The following ADGRB2 variants were observed in gnomAD, a reference collection of about 807,000 sequenced individuals.
ADGRB2 encodes the protein adhesion G protein-coupled receptor B2, also known as brain-specific angiogenesis inhibitor 2.
A neutral mutation model predicts 178.7 loss-of-function variants in ADGRB2; 47 were observed. That is an observed-to-expected ratio of 0.26 (90% CI 0.21 to 0.34). ADGRB2 has a LOEUF of 0.34. ADGRB2 is among the 10% of genes least tolerant of loss of function. The probability of loss-of-function intolerance (pLI) is 1.00; values close to 1 mark genes in which losing one functional copy is unlikely to be tolerated. For synonymous variants in ADGRB2, 870 were observed against 912.4 expected (o/e 0.95, Z 0.84); for missense variants, 1,584 against 2,180.8 (o/e 0.73, Z 5.45).
chr1:31,753,586 T>C lies in ADGRB2; in HGVS notation c.838+2413A>G, dbSNP rs992678552. 1.3e-5 allele frequency among the ~76,000 whole-genome samples: 2 copies of C among 152,148 alleles called. No homozygotes were observed. Among genetic ancestry groups the C allele is most frequent in the Admixed American group, 6.5e-5 (1 of 15,272 alleles). ...CAAGGGTCTCACCCTTCCTGCTCACTACCATCCCCACGAATCTTGCTCTCA... is the reference window on the plus strand; with the variant it reads ...CAAGGGTCTCACCCTTCCTGCTCACCACCATCCCCACGAATCTTGCTCTCA... On this transcript the variant is annotated intron_variant, in intron 4 of 32. Transcript: ENST00000373658. The surrounding 1 kb of genome is among the most constrained non-coding windows in gnomAD (Gnocchi z 4.1).
At chr1:31,736,835 G>T (rs566515715) in intron 20 of ADGRB2, 112 bp from the exon 21 acceptor site, 11 of 1,456,274 alleles carry the variant, frequency 7.6e-6, no homozygotes, top group Non-Finnish European at 1.0e-5. Flanking sequence ...CCTGAGCCCC[G>T]CCCCCCACAG....
At chr1:31,757,162 G>T (rs762517910) in intron 3 of ADGRB2, 39 bp downstream of exon 3, 2 of 1,614,004 alleles carry the variant, frequency 1.2e-6, no homozygotes, top group Admixed American at 3.3e-5. Context: ...TCAACTACAA[G>T]CATATTCGCC....
rs2149060036 is a variant in ADGRB2 at position 31,756,884 on chromosome 1, AG to A, written c.22-70del. On this transcript the variant is annotated intron_variant, in intron 3 of 32. Transcript: ENST00000373658. The surrounding 1 kb of genome is among the most constrained non-coding windows in gnomAD (Gnocchi z 8.5). ...CATGGGCTCTGAACCTTCTATGGTG[AG>A]CTGCGGGAGTGGGCCTCATAAGTTA... 1 of 1,392,494 alleles carries A rather than the reference AG, an allele frequency of 7.2e-7. No homozygotes were observed. The highest frequency in any genetic ancestry group is 2.5e-5 in the East Asian group (1 of 39,826). The allele number at this position is 1,392,494 out of a possible 1,614,324, so 86.3% of individuals were successfully genotyped here.
At position 31,730,105 on chromosome 1, in the gene ADGRB2, C is replaced by T. The variant is rs556918545; in HGVS notation, c.4380+695G>A. ...AGTTGCAGAATGTTCTAGAGTTCCA[C>T]AGCAGGCCACTACTGTCTGTTCTCA... On this transcript the variant is annotated intron_variant, in intron 29 of 32. Coordinates refer to ENST00000373658, the MANE Select transcript of ADGRB2 (RefSeq NM_001364857.2). 2.0e-5 allele frequency among the ~76,000 whole-genome samples: 3 copies of T among 152,342 alleles called. No individual in the cohort carries two copies. The East Asian group carries it at 5.8e-4, about 29-fold the overall frequency.
chr1:31,758,068 C>T lies in ADGRB2; in HGVS notation c.-190-557G>A, dbSNP rs374447342. ...CACAGCCTGCGCAACCTCTACCCAACTGCCCAGAAAATGGAACCTAGCGCG... is the reference window on the plus strand; with the variant it reads ...CACAGCCTGCGCAACCTCTACCCAATTGCCCAGAAAATGGAACCTAGCGCG... On this transcript the variant is annotated intron_variant, in intron 1 of 32. Coordinates refer to ENST00000373658, the MANE Select transcript of ADGRB2 (RefSeq NM_001364857.2). This position sits in a 1 kb window ranked among gnomAD's most constrained non-coding sequence, Gnocchi z 4.2. Among the ~76,000 whole-genome samples, 15 of 152,306 alleles carry T rather than the reference C, an allele frequency of 9.8e-5. No individual in the cohort carries two copies. In the East Asian group the frequency reaches 2.7e-3, roughly 27 times the overall value.
rs1232612949 is a variant in ADGRB2 at position 31,754,127 on chromosome 1, G to C, written c.838+1872C>G. Among the ~76,000 whole-genome samples the C allele has an allele frequency of 6.6e-6, 1 of 152,196 alleles. No homozygotes were observed. The highest frequency in any genetic ancestry group is 2.4e-5 in the African/African-American group (1 of 41,434). On this transcript the variant is annotated intron_variant, in intron 4 of 32. Coordinates refer to ENST00000373658, the MANE Select transcript of ADGRB2 (RefSeq NM_001364857.2). This position sits in a 1 kb window ranked among gnomAD's most constrained non-coding sequence, Gnocchi z 5.7. ...GGCATCCAGTCTCCACCCATCTCTAGCCCCAGAGGCCTCTGCAGAGGCTCT... is the reference window on the plus strand; with the variant it reads ...GGCATCCAGTCTCCACCCATCTCTACCCCCAGAGGCCTCTGCAGAGGCTCT...
chr1:31,742,927 A>G lies in ADGRB2; in HGVS notation c.1163T>C (p.Met388Thr). The stretch of plus-strand genomic sequence containing the variant: ...GTGCTGGGGGGGCACGCAGGTCCGC[A>G]TCCGGCTCCGGGACCCCCGCCCGCA... ...RSCGRGSRSRMRTCVPPQHGG... is the reference protein window; with the variant it reads ...RSCGRGSRSRTRTCVPPQHGG... Residue 388 changes from methionine (M) to threonine (T), a missense_variant, in exon 7 of 33, where the codon ATG (methionine) becomes ACG (threonine). Met to Thr is a moderately conservative substitution (Grantham distance 81). Coordinates refer to ENST00000373658, the MANE Select transcript of ADGRB2 (RefSeq NM_001364857.2). 6.5e-7 allele frequency: 1 copy of G among 1,541,780 alleles called. No individual in the cohort carries two copies. The highest frequency in any genetic ancestry group is 8.7e-7 in the Non-Finnish European group (1 of 1,143,514).
In ADGRB2 at chr1:31,744,351, G is replaced by C. The variant is rs949320588; in HGVS notation, c.929C>G (p.Pro310Arg). The C allele has an allele frequency of 6.4e-7, 1 of 1,550,546 alleles. No homozygotes were observed. The highest frequency in any genetic ancestry group is 8.7e-7 in the Non-Finnish European group (1 of 1,146,860). ...PGLYMAQTGD[P>R]AAEEWSPWSV... ...CCACGGGGACCACTCCTCAGCCGCCGGGTCGCCTACGAGAGAGGGACAGCG... is the reference window on the plus strand; with the variant it reads ...CCACGGGGACCACTCCTCAGCCGCCCGGTCGCCTACGAGAGAGGGACAGCG... The change falls in exon 6 of 33, where the codon CCG (proline) becomes CGG (arginine). Residue 310 changes from proline to arginine, a missense_variant. This residue lies in a region of ADGRB2 where 657 missense variants were observed against 847.6 expected (regional missense o/e 0.78). Transcript: ENST00000373658. This position sits in a 1 kb window ranked among gnomAD's most constrained non-coding sequence, Gnocchi z 6.7.
At chr1:31,739,005 G>T (rs1045659189) in intron 15 of ADGRB2, 68 bp from the exon 16 acceptor site, 4 of 1,384,730 alleles carry the variant, frequency 2.9e-6, no homozygotes, top group Non-Finnish European at 3.0e-6. Flanking sequence ...CCCTGAAGCC[G>T]CTTTGGATGG....
chr1:31,759,944 G>T lies in ADGRB2; in HGVS notation c.-190-2433C>A, dbSNP rs890736272. Reference sequence around the variant, plus strand: ...TGCAGACCATGAGCCTTGCCCTGGGGATGGCAGACACCTCATCAGCCTCCC... The same window carrying T: ...TGCAGACCATGAGCCTTGCCCTGGGTATGGCAGACACCTCATCAGCCTCCC... On this transcript the variant is annotated intron_variant, in intron 1 of 32. Coordinates refer to ENST00000373658, the MANE Select transcript of ADGRB2 (RefSeq NM_001364857.2). This position sits in a 1 kb window ranked among gnomAD's most constrained non-coding sequence, Gnocchi z 4.3. Among the ~76,000 whole-genome samples the T allele has an allele frequency of 5.9e-5, 9 of 152,286 alleles. No homozygotes were observed. Among genetic ancestry groups the T allele is most frequent in the African/African-American group, 2.2e-4 (9 of 41,564 alleles).
chr1:31,735,084 C>A lies in ADGRB2; in HGVS notation c.3452+99G>T, dbSNP rs1645504508. ...AGGAAAGGGCAAGCTTTCCAGGGCACTGGGCTGATATCCCTCCTCCTCCCC... is the reference window on the plus strand; with the variant it reads ...AGGAAAGGGCAAGCTTTCCAGGGCAATGGGCTGATATCCCTCCTCCTCCCC... On this transcript the variant is annotated intron_variant, in intron 25 of 32. Coordinates refer to ENST00000373658, the MANE Select transcript of ADGRB2 (RefSeq NM_001364857.2). The surrounding 1 kb of genome is among the most constrained non-coding windows in gnomAD (Gnocchi z 6.0). 1 of 1,180,846 alleles carries A rather than the reference C, an allele frequency of 8.5e-7. No homozygotes were observed. Among genetic ancestry groups the A allele is most frequent in the South Asian group, 1.9e-5 (1 of 51,656 alleles). 73.1% of individuals were successfully genotyped at this position (1,180,846 alleles called of 1,614,324 possible). A position where few individuals can be genotyped will look rare whatever the true frequency, so the allele number is the denominator to read the frequency against.
chr1:31,735,080 G>C lies in ADGRB2; in HGVS notation c.3452+103C>G, dbSNP rs911217677. The C allele has an allele frequency of 1.7e-4, 195 of 1,130,790 alleles. No individual in the cohort carries two copies. The highest frequency in any genetic ancestry group is 2.2e-4 in the Non-Finnish European group (182 of 844,934). 70.0% of individuals were successfully genotyped at this position (1,130,790 alleles called of 1,614,324 possible). On this transcript the variant is annotated intron_variant, in intron 25 of 32. Coordinates refer to ENST00000373658, the MANE Select transcript of ADGRB2 (RefSeq NM_001364857.2). This position sits in a 1 kb window ranked among gnomAD's most constrained non-coding sequence, Gnocchi z 6.0. ...TGGCAGGAAAGGGCAAGCTTTCCAG[G>C]GCACTGGGCTGATATCCCTCCTCCT... is the stretch of plus-strand genomic sequence containing the variant.
chr1:31,736,120 C>G (rs1407741812), intron 22 of ADGRB2, among the ~76,000 whole-genome samples: 1 of 152,192 alleles, frequency 6.6e-6, no homozygotes, highest in Non-Finnish European at 1.5e-5. Flanking sequence ...TGAAGCAAGG[C>G]TGACTCCTGA....
In ADGRB2 at chr1:31,740,762, A is replaced by G. The variant is rs575477572; in HGVS notation, c.1795-221T>C. Among the ~76,000 whole-genome samples, 1 of 152,222 alleles carries G rather than the reference A, an allele frequency of 6.6e-6. No homozygotes were observed. Among genetic ancestry groups the G allele is most frequent in the South Asian group, 2.1e-4 (1 of 4,816 alleles). On this transcript the variant is annotated intron_variant, in intron 11 of 32. Coordinates refer to ENST00000373658, the MANE Select transcript of ADGRB2 (RefSeq NM_001364857.2). This position sits in a 1 kb window ranked among gnomAD's most constrained non-coding sequence, Gnocchi z 5.9. ...GGTACTTTAAAAAAGACTGAAATAG[A>G]AACACCTAGAGAAAAAAGGTGTTCA... is the stretch of plus-strand genomic sequence containing the variant.
In ADGRB2 at chr1:31,744,773, C is replaced by A. The variant is rs1646189474; in HGVS notation, c.839-42G>T. On this transcript the variant is annotated intron_variant, in intron 4 of 32. Transcript: ENST00000373658. The surrounding 1 kb of genome is among the most constrained non-coding windows in gnomAD (Gnocchi z 6.7). ...GTGGCAGGGGCTCAGCAAAGGCCAG[C>A]TAGGTTCTGTTACAGTGGCACAGTG... 6.2e-7 allele frequency: 1 copy of A among 1,602,452 alleles called. No homozygotes were observed. The highest frequency in any genetic ancestry group is 1.1e-5 in the South Asian group (1 of 90,678).
Position 31,759,371 on chromosome 1 carries a change from A to G in ADGRB2, c.-190-1860T>C. 1.3e-6 allele frequency: 1 copy of G among 779,714 alleles called. No homozygotes were observed. 48.3% of individuals were successfully genotyped at this position (779,714 alleles called of 1,614,324 possible). A position where few individuals can be genotyped will look rare whatever the true frequency, so the allele number is the denominator to read the frequency against. On this transcript the variant is annotated intron_variant, in intron 1 of 32. Coordinates refer to ENST00000373658, the MANE Select transcript of ADGRB2 (RefSeq NM_001364857.2). The surrounding 1 kb of genome is among the most constrained non-coding windows in gnomAD (Gnocchi z 4.3). ...AGCATATGACAGCTAAGTGTCAGGC[A>G]GGATCCTCTGCGGGGTCTTCCTTTG...
chr1:31,760,543 G>C (rs959936830), intron 1 of ADGRB2: 2 of 152,160 alleles, frequency 1.3e-5, no homozygotes, highest in Non-Finnish European at 2.9e-5. Context: ...TCAGGCCCAG[G>C]GCCGGTCCGG....
At position 31,754,390 on chromosome 1, in the gene ADGRB2, G is replaced by T. The variant is rs935332706; in HGVS notation, c.838+1609C>A. On this transcript the variant is annotated intron_variant, in intron 4 of 32. Coordinates refer to ENST00000373658, the MANE Select transcript of ADGRB2 (RefSeq NM_001364857.2). The surrounding 1 kb of genome is among the most constrained non-coding windows in gnomAD (Gnocchi z 5.7). The stretch of plus-strand genomic sequence containing the variant: ...CAGACAAAAGAACCCGCCTGCAGCT[G>T]AGCACGATGGGGGAGACCCCCACAG... Among the ~76,000 whole-genome samples the T allele has an allele frequency of 1.3e-5, 2 of 152,278 alleles. No individual in the cohort carries two copies. The highest frequency in any genetic ancestry group is 4.8e-5 in the African/African-American group (2 of 41,482).
In ADGRB2 at chr1:31,754,927, A is replaced by G. The variant is rs1013016158; in HGVS notation, c.838+1072T>C. 6.6e-6 allele frequency among the ~76,000 whole-genome samples: 1 copy of G among 152,204 alleles called. No homozygotes were observed. Among genetic ancestry groups the G allele is most frequent in the South Asian group, 2.1e-4 (1 of 4,826 alleles). On this transcript the variant is annotated intron_variant, in intron 4 of 32. Transcript: ENST00000373658. This position sits in a 1 kb window ranked among gnomAD's most constrained non-coding sequence, Gnocchi z 5.7. ...CTCCAGCACTCCTAGCAGCCCTCAC[A>G]TGATACCCTGTCTCCTTGTAAACAC...
Sources: allele counts gnomAD v4.1 joint callset (sites outside exome capture counted in the v4.1 genomes callset), GRCh38; gene constraint gnomAD v4.1.1; regional missense constraint gnomAD v4.1.1; non-coding constraint Gnocchi (gnomAD v3.1); transcripts MANE v1.5; gene names NCBI Gene and HGNC (gene_info 2026-07-23, HGNC 2026-07-21).